The following NUP54 variants were observed in gnomAD, a reference collection of about 807,000 sequenced individuals.
NUP54 encodes nucleoporin 54.
NUP54 carries 27 observed loss-of-function variants against 66.4 expected under a neutral mutation model. The observed-to-expected ratio is 0.41, with a 90% CI of 0.30 to 0.56. The LOEUF (loss-of-function observed/expected upper bound fraction) is 0.56. Among genes scored for constraint, NUP54 ranks in the 20% least tolerant of loss-of-function variants. The pLI is 0.34. For missense variants in NUP54, 486 were observed against 596.3 expected (o/e 0.82, Z 1.93); for synonymous variants, 206 against 210.7 (o/e 0.98, Z 0.19).
At chr4:76,134,552 C>T (rs1168726931) in intron 4 of NUP54, among the ~76,000 whole-genome samples, 190 bp from the exon 5 acceptor site, 1 of 152,026 alleles carries the variant, frequency 6.6e-6, no homozygotes, top group African/African-American at 2.4e-5. Context: ...CTATTTTACC[C>T]AGGAATAACA....
At chr4:76,116,379 C>A (rs1028288727) in intron 11 of NUP54, among the ~76,000 whole-genome samples, 10 of 152,160 alleles carry the variant, frequency 6.6e-5, no homozygotes, top group African/African-American at 2.4e-4. Context: ...TAATCTTTAT[C>A]TAAAATCCTC....
chr4:76,128,033 G>A (rs756429377), intron 8 of NUP54, among the ~76,000 whole-genome samples: 11 of 152,072 alleles, frequency 7.2e-5, no homozygotes, highest in Admixed American at 1.3e-4. Flanking sequence ...CCCCTCAGGC[G>A]TCCCTAGTCT....
Position 76,134,225 on chromosome 4 carries a change from G to A in NUP54, c.660C>T (p.Asn220=), listed in dbSNP as rs1007330376. The change falls in exon 5 of 12, where the codon AAC becomes AAT. Residue 220 remains asparagine, a synonymous_variant. Transcript: ENST00000264883. The part of the protein sequence containing the change: ...VESLHKVLGG[N]QTLTVNVEGT... ...CCTCTACATTTACAGTAAGGGTCTG[G>A]TTTCCTCCCAAAACTTTATGCAATG... The A allele has an allele frequency of 1.2e-6, 2 of 1,613,688 alleles. No individual in the cohort carries two copies. Among genetic ancestry groups the A allele is most frequent in the Non-Finnish European group, 8.5e-7 (1 of 1,179,732 alleles).
chr4:76,137,111 T>A (rs530032330), intron 3 of NUP54, among the ~76,000 whole-genome samples: 47 of 152,280 alleles, frequency 3.1e-4, no homozygotes, highest in Non-Finnish European at 5.6e-4. Context: ...TGCTTCATCA[T>A]CCTGAGTCGC....
chr4:76,132,769 C>T (rs377102665), intron 5 of NUP54, 50 bp from the exon 6 acceptor site: 27 of 1,378,370 alleles, frequency 2.0e-5, no homozygotes, highest in South Asian at 1.2e-4. Context: ...AAACTCATAG[C>T]GACAAACCTC....
rs1194276717 is a variant in NUP54, at chr4:76,115,513, C to T, written c.1396-19G>A. Reference sequence around the variant, plus strand: ...TCAAATGCTAGAACAAATTAAGAAACAACATATTAATGTATTAATTTCTTA... The same window carrying T: ...TCAAATGCTAGAACAAATTAAGAAATAACATATTAATGTATTAATTTCTTA... On this transcript the variant is annotated intron_variant, in intron 11 of 11. Coordinates refer to ENST00000264883, the MANE Select transcript of NUP54 (RefSeq NM_017426.4). The T allele has an allele frequency of 1.9e-6, 3 of 1,576,148 alleles. No homozygotes were observed. In the East Asian group the frequency reaches 6.8e-5, roughly 36 times the overall value.
intron 4 of NUP54, among the ~76,000 whole-genome samples, chr4:76,134,844 A>AATT (rs960625329): frequency 6.6e-6 from 1 of 152,046 alleles, no homozygotes; most frequent in African/African-American, 2.4e-5. Context: ...TTTATTATAA[A>AATT]ATTATTATTA....
chr4:76,139,103 G>C (rs959420290), intron 3 of NUP54, among the ~76,000 whole-genome samples: 1 of 152,114 alleles, frequency 6.6e-6, no homozygotes, highest in Non-Finnish European at 1.5e-5. Flanking sequence ...AAGCAGTCTT[G>C]GAGGATGAAG....
chr4:76,117,618 G>A (rs1418450979), intron 11 of NUP54, 46 bp downstream of exon 11: 2 of 1,141,404 alleles, frequency 1.8e-6, no homozygotes, highest in Non-Finnish European at 2.6e-6. Context: ...TAGGTGTGAA[G>A]TGGTGAGCTC....
intron 4 of NUP54, among the ~76,000 whole-genome samples, chr4:76,135,890 T>C (rs368090477): frequency 6.6e-6 from 1 of 152,320 alleles, no homozygotes; most frequent in African/African-American, 2.4e-5. Context: ...TAAATTGTAG[T>C]TTGGTGTCTC....
intron 4 of NUP54, among the ~76,000 whole-genome samples, chr4:76,134,625 TA>T (rs932546320): frequency 7.2e-5 from 11 of 152,120 alleles, no homozygotes; most frequent in Non-Finnish European, 1.5e-4. Flanking sequence ...CTTTCTCCCC[TA>T]AAAAATTTTG....
intron 4 of NUP54, among the ~76,000 whole-genome samples, chr4:76,135,612 A>G (rs1183038847): frequency 6.6e-6 from 1 of 152,230 alleles, no homozygotes; most frequent in Non-Finnish European, 1.5e-5. Flanking sequence ...ACGTAGGCCA[A>G]TATAACTCCT....
chr4:76,131,318 AT>A, intron 6 of NUP54, 34 bp from the exon 7 acceptor site: 5 of 1,356,502 alleles, frequency 3.7e-6, no homozygotes, highest in Non-Finnish European at 5.1e-6. Flanking sequence ...TTCTAAAACA[AT>A]TTTCTATTTT....
chr4:76,140,190 G>A (rs916509162), intron 3 of NUP54, among the ~76,000 whole-genome samples: 3 of 151,846 alleles, frequency 2.0e-5, no homozygotes, highest in Admixed American at 6.6e-5. Flanking sequence ...CCTGAGTCAG[G>A]TAAAAAGAGG....
intron 11 of NUP54, among the ~76,000 whole-genome samples, chr4:76,115,707 T>C (rs1454617945): frequency 6.6e-6 from 1 of 152,114 alleles, no homozygotes; most frequent in East Asian, 1.9e-4. Context: ...ATCAAACAAA[T>C]ATATAATGAA....
chr4:76,134,329 C>G lies in NUP54; in HGVS notation c.556G>C (p.Asp186His). The change falls in exon 5 of 12, where the codon GAT becomes CAT. Residue 186 changes from aspartate to histidine, a missense_variant. By Grantham distance (81) the Asp-to-His change is moderately conservative. Transcript: ENST00000264883. ...ACTAAAACCACTAGCCCATCTTCATCTTTATTACTGGGCATGCAACTATAA... is the reference window on the plus strand; with the variant it reads ...ACTAAAACCACTAGCCCATCTTCATGTTTATTACTGGGCATGCAACTATAA... ...VGYSCMPSNK[D>H]EDGLVVLVFN... 1 of 1,613,654 alleles carries G rather than the reference C, an allele frequency of 6.2e-7. No individual in the cohort carries two copies. The highest frequency in any genetic ancestry group is 8.5e-7 in the Non-Finnish European group (1 of 1,179,854).
intron 8 of NUP54, among the ~76,000 whole-genome samples, chr4:76,125,995 A>G (rs1358869557): frequency 6.6e-6 from 1 of 152,198 alleles, no homozygotes; most frequent in Non-Finnish European, 1.5e-5. Flanking sequence ...GAGTGGAAAA[A>G]GTTAAGATGT....
chr4:76,139,078 T>C (rs1731154569), intron 3 of NUP54, among the ~76,000 whole-genome samples: 1 of 152,192 alleles, frequency 6.6e-6, no homozygotes, highest in Non-Finnish European at 1.5e-5. Context: ...ATACAAACTG[T>C]ACATCAGGGT....
chr4:76,115,549 C>A, intron 11 of NUP54, 55 bp from the exon 12 acceptor site: 1 of 1,434,124 alleles, frequency 7.0e-7, no homozygotes, highest in Non-Finnish European at 9.3e-7. Flanking sequence ...AAACTGCAAG[C>A]TAGTCACAGG....
Sources: allele counts gnomAD v4.1 joint callset (sites outside exome capture counted in the v4.1 genomes callset), GRCh38; gene constraint gnomAD v4.1.1; transcripts MANE v1.5; gene names NCBI Gene and HGNC (gene_info 2026-07-23, HGNC 2026-07-21).